Variants in PIAS4 observed in about 807,000 individuals in gnomAD.
The protein encoded by PIAS4 is protein inhibitor of activated STAT 4, also known as E3 SUMO-protein ligase PIAS4.
A neutral mutation model predicts 58.0 loss-of-function variants in PIAS4; 7 were observed. That is an observed-to-expected ratio of 0.12 (90% CI 0.07 to 0.23). PIAS4 has a LOEUF of 0.23. Ranked by LOEUF, PIAS4 falls within the 10% of genes least tolerant of loss-of-function variation. PIAS4 has a pLI of 1.00. For missense variants in PIAS4, 550 were observed against 709.5 expected, an observed-to-expected ratio of 0.78 and a Z score of 2.55; for synonymous variants, 364 against 312.4, an observed-to-expected ratio of 1.17 and a Z score of -1.74.
intron 7 of PIAS4, among the ~76,000 whole-genome samples, chr19:4,030,390 C>T (rs892688651): frequency 4.6e-5 from 7 of 151,908 alleles, no homozygotes; most frequent in Non-Finnish European, 7.4e-5. Flanking sequence ...GAGGCCGAGG[C>T]GGGCAGATCA....
At chr19:4,024,269 T>A in intron 3 of PIAS4, 149 bp downstream of exon 3, 1 of 654,848 alleles carries the variant, frequency 1.5e-6, no homozygotes, top group Non-Finnish European at 2.7e-6. Context: ...CCGGGTTTGC[T>A]TCCTTCCAGA....
intron 1 of PIAS4, among the ~76,000 whole-genome samples, chr19:4,012,690 C>T (rs1042169794): frequency 6.6e-6 from 1 of 151,262 alleles, no homozygotes; most frequent in South Asian, 2.1e-4. Flanking sequence ...TAGTCAGAGG[C>T]GCTTTTGCTG....
intron 2 of PIAS4, chr19:4,018,823 G>A (rs2040078918): frequency 6.6e-6 from 1 of 152,316 alleles, no homozygotes; most frequent in Admixed American, 6.5e-5. Flanking sequence ...TTTGTACAAA[G>A]ACAAATATAG....
At chr19:4,023,544 A>G (rs1262400278) in intron 2 of PIAS4, among the ~76,000 whole-genome samples, 2 of 152,192 alleles carry the variant, frequency 1.3e-5, no homozygotes, top group South Asian at 4.1e-4. Flanking sequence ...TGTAAGTAAG[A>G]GGGTAGGGCC....
At chr19:4,029,093 C>G in intron 7 of PIAS4, 57 bp downstream of exon 7, 1 of 1,312,040 alleles carries the variant, frequency 7.6e-7, no homozygotes, top group Non-Finnish European at 1.1e-6. Flanking sequence ...GGAAACCCGC[C>G]CTGTGCTGGG....
chr19:4,025,691 C>CTTTCTCAGCCTTGTT (rs2040156815), intron 3 of PIAS4, among the ~76,000 whole-genome samples: 1 of 152,006 alleles, frequency 6.6e-6, no homozygotes, highest in Non-Finnish European at 1.5e-5. Flanking sequence ...TCAGCCTCGT[C>CTTTCTCAGCCTTGTT]TTCCTTGTCT....
intron 2 of PIAS4, among the ~76,000 whole-genome samples, 192 bp from the exon 3 acceptor site, chr19:4,023,844 C>T (rs749539117): frequency 6.6e-6 from 1 of 152,234 alleles, no homozygotes; most frequent in African/African-American, 2.4e-5. Flanking sequence ...TGAGCGGCCC[C>T]GAGAAGGGGA....
chr19:4,007,784 C>T lies in PIAS4; in HGVS notation c.24C>T (p.Ala8=), dbSNP rs370318861. The change falls in exon 1 of 11, where the codon GCC becomes GCT. Residue 8 remains alanine, a synonymous_variant. Coordinates refer to ENST00000262971, the MANE Select transcript of PIAS4 (RefSeq NM_015897.4). MAAELVE[A]KNMVMSFRVS... is the part of the protein sequence containing the mutation. Reference sequence around the variant, plus strand: ...AGATGGCGGCGGAGCTGGTGGAGGCCAAAGTGAGTGAGCGGTGGCGGCGCC... The same window carrying T: ...AGATGGCGGCGGAGCTGGTGGAGGCTAAAGTGAGTGAGCGGTGGCGGCGCC... 20 of 1,215,254 alleles carry T rather than the reference C, an allele frequency of 1.6e-5. No individual in the cohort carries two copies. Among genetic ancestry groups the T allele is most frequent in the Admixed American group, 1.3e-4 (3 of 22,676 alleles). The allele number at this position is 1,215,254 out of a possible 1,614,324, so 75.3% of individuals were successfully genotyped here. A position where few individuals can be genotyped will look rare whatever the true frequency, so the allele number is the denominator to read the frequency against.
intron 3 of PIAS4, among the ~76,000 whole-genome samples, chr19:4,025,384 T>G (rs1221072716): frequency 6.6e-6 from 1 of 152,224 alleles, no homozygotes; most frequent in Non-Finnish European, 1.5e-5. Context: ...TGCCTCCAGC[T>G]GAGACAGATT....
rs573252208 is a variant in PIAS4 at position 4,029,207 on chromosome 19, C to G, written c.907+171C>G. On this transcript the variant is annotated intron_variant, in intron 7 of 10. Coordinates refer to ENST00000262971, the MANE Select transcript of PIAS4 (RefSeq NM_015897.4). ...TGGCTGGGGAGGTCTCTGGAGGATA[C>G]GGATGGCAGAGGGGGCACTTGGCAG... is the stretch of plus-strand genomic sequence containing the variant. Among the ~76,000 whole-genome samples the G allele has an allele frequency of 5.9e-5, 9 of 152,256 alleles. 1 individual carries two copies. In the South Asian group the frequency reaches 1.9e-3, roughly 32 times the overall value.
intron 3 of PIAS4, among the ~76,000 whole-genome samples, chr19:4,027,910 T>C (rs867728307): frequency 2.6e-5 from 4 of 152,124 alleles, no homozygotes; most frequent in Non-Finnish European, 4.4e-5. Context: ...CTGCCCTCTC[T>C]GGTTCAGGGT....
intron 1 of PIAS4, among the ~76,000 whole-genome samples, chr19:4,009,969 G>A (rs556589370): frequency 6.6e-6 from 1 of 152,228 alleles, no homozygotes; most frequent in South Asian, 2.1e-4. Context: ...AGCTACCCCC[G>A]GTGCTCTGAG....
At chr19:4,022,676 G>T (rs935769347) in intron 2 of PIAS4, among the ~76,000 whole-genome samples, 1 of 150,730 alleles carries the variant, frequency 6.6e-6, no homozygotes, top group East Asian at 2.0e-4. Context: ...GTTTGTTTTT[G>T]TTTTTGTTTT....
chr19:4,028,838 A>T lies in PIAS4; in HGVS notation c.791A>T (p.Asn264Ile). Residue 264 changes from asparagine to isoleucine, a missense_variant, in exon 6 of 11, where the codon AAC (asparagine) becomes ATC (isoleucine). Around this residue, in one of 4 missense-constraint regions of PIAS4, gnomAD observed 225 missense variants for 345.8 expected, o/e 0.65. Transcript: ENST00000262971. ...ATNRITVTWG[N>I]YGKSYSVALY... ...AACCGCATCACTGTCACCTGGGGGA[A>T]CTACGGCAAGGTGAGTGCGTGCCCG... is the stretch of plus-strand genomic sequence containing the variant. 6.2e-7 allele frequency: 1 copy of T among 1,613,430 alleles called. No homozygotes were observed. The highest frequency in any genetic ancestry group is 1.7e-4 in the Middle Eastern group (1 of 6,060).
rs1324545786 is a variant in PIAS4 at position 4,033,548 on chromosome 19, G to A, written c.1110G>A (p.Lys370=). 6.2e-7 allele frequency: 1 copy of A among 1,609,460 alleles called. No individual in the cohort carries two copies. Among genetic ancestry groups the A allele is most frequent in the Non-Finnish European group, 8.5e-7 (1 of 1,178,824 alleles). Residue 370 remains lysine, a synonymous_variant, in exon 9 of 11, where the codon AAG becomes AAA. Transcript: ENST00000262971. The part of the protein sequence containing the change: ...KPTWMCPVCD[K]PAPYDQLIID... ...CCTGGATGTGCCCCGTGTGCGACAA[G>A]CCAGCCCCCTACGACCAGCTCATCA...
At chr19:4,026,609 C>G (rs890110363) in intron 3 of PIAS4, among the ~76,000 whole-genome samples, 1 of 152,102 alleles carries the variant, frequency 6.6e-6, no homozygotes, top group Non-Finnish European at 1.5e-5. Context: ...CTGGCCCCCA[C>G]GCATCCCCTC....
At chr19:4,024,487 C>T (rs567637786) in intron 3 of PIAS4, among the ~76,000 whole-genome samples, 144 of 152,366 alleles carry the variant, frequency 9.5e-4, no homozygotes, top group African/African-American at 2.9e-3. Flanking sequence ...CCACAGATGT[C>T]CCCAGACATT....
chr19:4,027,881 C>T lies in PIAS4; in HGVS notation c.540-265C>T, dbSNP rs1380115084. Among the ~76,000 whole-genome samples the T allele has an allele frequency of 7.9e-5, 12 of 152,050 alleles. 1 individual carries two copies. Among genetic ancestry groups the T allele is most frequent in the Admixed American group, 7.2e-4 (11 of 15,260 alleles). ...CATGCACGTTTTAGCTATGTTTCTT[C>T]GCAGGGAGAGGCACCTGGCTGCCCT... On this transcript the variant is annotated intron_variant, in intron 3 of 10. Coordinates refer to ENST00000262971, the MANE Select transcript of PIAS4 (RefSeq NM_015897.4).
In PIAS4 at chr19:4,013,182, T is replaced by G; in HGVS notation, c.287T>G (p.Val96Gly). The change falls in exon 2 of 11, where the codon GTG becomes GGG. Residue 96 changes from valine (V) to glycine (G), a missense_variant. Physicochemically the swap from Val to Gly is moderately radical, Grantham distance 109 (BLOSUM62 -3). This residue lies in a region of PIAS4 where 95 missense variants were observed against 87.5 expected (regional missense o/e 1.09). Coordinates refer to ENST00000262971, the MANE Select transcript of PIAS4 (RefSeq NM_015897.4). The surrounding 1 kb of genome is among the most constrained non-coding windows in gnomAD (Gnocchi z 5.1). The part of the protein sequence containing the change: ...MHSTYDRAGA[V>G]PRTPLAGPNI... ...TCCACCTACGACCGGGCCGGCGCTG[T>G]GCCCAGGACTCCGCTGGCAGGCCCC... 6.2e-7 allele frequency: 1 copy of G among 1,613,434 alleles called. No individual in the cohort carries two copies. Among genetic ancestry groups the G allele is most frequent in the Non-Finnish European group, 8.5e-7 (1 of 1,180,006 alleles).
Sources: allele counts gnomAD v4.1 joint callset (sites outside exome capture counted in the v4.1 genomes callset), GRCh38; gene constraint gnomAD v4.1.1; regional missense constraint gnomAD v4.1.1; non-coding constraint Gnocchi (gnomAD v3.1); transcripts MANE v1.5; gene names NCBI Gene and HGNC (gene_info 2026-07-23, HGNC 2026-07-21).